ATP6V0E2: variants seen among roughly 807,000 people sequenced by gnomAD.
ATP6V0E2 encodes ATPase H+ transporting V0 subunit e2, also known as V-type proton ATPase subunit e 2.
In ATP6V0E2, 4 loss-of-function variants were observed where a neutral mutation model predicts 11.5. The observed-to-expected ratio is 0.35, with a 90% CI of 0.17 to 0.80. The LOEUF (loss-of-function observed/expected upper bound fraction) is 0.80, where lower values mean the gene tolerates loss of function less well. ATP6V0E2 is among the 30% of genes least tolerant of loss of function. ATP6V0E2 has a pLI of 0.53. For missense variants in ATP6V0E2, 93 were observed against 113.5 expected (o/e 0.82, Z 0.82); for synonymous variants, 52 against 51.0 (o/e 1.02, Z -0.09).
intron 1 of ATP6V0E2, among the ~76,000 whole-genome samples, 169 bp from the exon 2 acceptor site, chr7:149,875,429 C>G (rs912939456): frequency 1.3e-5 from 2 of 152,180 alleles, no homozygotes; most frequent in Non-Finnish European, 2.9e-5. Flanking sequence ...TTTTTATTTT[C>G]TGCCTTGCTA....
chr7:149,879,709 C>A lies in ATP6V0E2; in HGVS notation c.*394C>A. 1 of 1,360,272 alleles carries A rather than the reference C, an allele frequency of 7.4e-7. No individual in the cohort carries two copies. The highest frequency in any genetic ancestry group is 9.5e-7 in the Non-Finnish European group (1 of 1,048,222). The allele number at this position is 1,360,272 out of a possible 1,614,324, so 84.3% of individuals were successfully genotyped here. ...CACGTGTCCTCATGGAGAGGGTGCT[C>A]CGGCCCAGGCGGGGGAGTCAGTGCC... On this transcript the variant is annotated 3_prime_UTR_variant, in exon 4 of 4. Coordinates refer to ENST00000425642, the MANE Select transcript of ATP6V0E2 (RefSeq NM_145230.4).
Position 149,873,976 on chromosome 7 carries a change from A to G in ATP6V0E2, c.-90A>G. On this transcript the variant is annotated 5_prime_UTR_variant, in exon 1 of 4. An upstream start codon of the reference 5' UTR is lost. Transcript: ENST00000425642. ...TTCGGGTGCTCGACTCCTGTTGCGC[A>G]TGCTCAGCGCGCTGCCCGGCTGGGG... is the stretch of plus-strand genomic sequence containing the variant. 6.5e-7 allele frequency: 1 copy of G among 1,545,362 alleles called. No homozygotes were observed. The highest frequency in any genetic ancestry group is 1.2e-5 in the South Asian group (1 of 83,942).
chr7:149,876,097 G>T (rs1432989871), intron 2 of ATP6V0E2: 1 of 457,696 alleles, frequency 2.2e-6, no homozygotes, highest in Non-Finnish European at 4.4e-6. Context: ...TAGGTGAGAG[G>T]CCAGACGTGG....
chr7:149,873,938 C>T (rs2128946997), upstream of ATP6V0E2: 5 of 1,537,162 alleles, frequency 3.3e-6, no homozygotes, highest in Non-Finnish European at 4.4e-6. Context: ...CGCGGCCCGG[C>T]CCGGCTGATC....
chr7:149,879,591 TC>T lies in ATP6V0E2; in HGVS notation c.*279del. ...GCACTGCTCTGGAGTTTGCCCTCTT[TC>T]CCAAGGAGATGCTGCTGGGGAGCTG... On this transcript the variant is annotated 3_prime_UTR_variant, in exon 4 of 4. Coordinates refer to ENST00000425642, the MANE Select transcript of ATP6V0E2 (RefSeq NM_145230.4). The T allele has an allele frequency of 6.8e-7, 1 of 1,481,452 alleles. No homozygotes were observed. The highest frequency in any genetic ancestry group is 9.0e-7 in the Non-Finnish European group (1 of 1,113,186). 91.8% of individuals were successfully genotyped at this position (1,481,452 alleles called of 1,614,324 possible). A position where few individuals can be genotyped will look rare whatever the true frequency, so the allele number is the denominator to read the frequency against.
chr7:149,877,909 C>T (rs1803238908), intron 2 of ATP6V0E2, among the ~76,000 whole-genome samples: 1 of 152,220 alleles, frequency 6.6e-6, no homozygotes, highest in African/African-American at 2.4e-5. Context: ...AAGGAGGTAA[C>T]AATTTCTGAT....
rs758090367 is a variant in ATP6V0E2 at position 149,878,661 on chromosome 7, T to TGG, written c.153-17_153-16insGG. ...CCCTCCTGTGCCAGGCTCACCATGC[T>TGG]TTGCTGTCCCTGGCAGCTGGCTCAT... On this transcript the variant is annotated splice_polypyrimidine_tract_variant and intron_variant, in intron 2 of 3. Coordinates refer to ENST00000425642, the MANE Select transcript of ATP6V0E2 (RefSeq NM_145230.4). 1.9e-6 allele frequency: 3 copies of TGG among 1,607,290 alleles called. No individual in the cohort carries two copies. The highest frequency in any genetic ancestry group is 1.7e-6 in the Non-Finnish European group (2 of 1,178,244).
rs1374610501 is a variant in ATP6V0E2 at position 149,879,733 on chromosome 7, C to A, written c.*418C>A. Reference sequence around the variant, plus strand: ...TCCGGCCCAGGCGGGGGAGTCAGTGCCCAGTCAGCAGCTCTGCCACCATCC... The same window carrying A: ...TCCGGCCCAGGCGGGGGAGTCAGTGACCAGTCAGCAGCTCTGCCACCATCC... On this transcript the variant is annotated 3_prime_UTR_variant, in exon 4 of 4. Coordinates refer to ENST00000425642, the MANE Select transcript of ATP6V0E2 (RefSeq NM_145230.4). 1 of 1,251,950 alleles carries A rather than the reference C, an allele frequency of 8.0e-7. No individual in the cohort carries two copies. 77.6% of individuals were successfully genotyped at this position (1,251,950 alleles called of 1,614,324 possible).
intron 2 of ATP6V0E2, among the ~76,000 whole-genome samples, chr7:149,878,315 C>T (rs539011204): frequency 2.0e-5 from 3 of 152,206 alleles, no homozygotes; most frequent in South Asian, 2.1e-4. Context: ...CTGCCCTGTT[C>T]GCTCCCTGGT....
Position 149,879,471 on chromosome 7 carries a change from G to A in ATP6V0E2, c.*156G>A, listed in dbSNP as rs1262535951. 1 of 1,594,544 alleles carries A rather than the reference G, an allele frequency of 6.3e-7. No individual in the cohort carries two copies. Among genetic ancestry groups the A allele is most frequent in the African/African-American group, 1.3e-5 (1 of 74,220 alleles). On this transcript the variant is annotated 3_prime_UTR_variant, in exon 4 of 4. Coordinates refer to ENST00000425642, the MANE Select transcript of ATP6V0E2 (RefSeq NM_145230.4). ...AGACCCGGACCCGCAGGGCCTGCCT[G>A]GTTCCTGGAAGTCTTCCCAGTCTTC...
chr7:149,879,801 C>T lies in ATP6V0E2; in HGVS notation c.*486C>T, dbSNP rs965878587. On this transcript the variant is annotated 3_prime_UTR_variant, in exon 4 of 4. Transcript: ENST00000425642. Reference sequence around the variant, plus strand: ...GCCTCTATTGGGTTATAGGCAAGGCCTTTTCTCTGGCATGGAATTGTTAAT... The same window carrying T: ...GCCTCTATTGGGTTATAGGCAAGGCTTTTTCTCTGGCATGGAATTGTTAAT... The T allele has an allele frequency of 8.1e-6, 5 of 617,886 alleles. No homozygotes were observed. The highest frequency in any genetic ancestry group is 1.2e-5 in the Non-Finnish European group (5 of 416,190). The allele number at this position is 617,886 out of a possible 1,614,324, so 38.3% of individuals were successfully genotyped here.
chr7:149,877,188 G>C (rs928277504), intron 2 of ATP6V0E2, among the ~76,000 whole-genome samples: 12 of 152,004 alleles, frequency 7.9e-5, no homozygotes, highest in South Asian at 2.1e-4. Flanking sequence ...ATTGCACCCG[G>C]CTGTTAACTA....
At position 149,879,459 on chromosome 7, in the gene ATP6V0E2, CAG is replaced by C; in HGVS notation, c.*145_*146del. 1 of 1,595,352 alleles carries C rather than the reference CAG, an allele frequency of 6.3e-7. No homozygotes were observed. The highest frequency in any genetic ancestry group is 8.5e-7 in the Non-Finnish European group (1 of 1,171,644). On this transcript the variant is annotated 3_prime_UTR_variant, in exon 4 of 4. Transcript: ENST00000425642. Reference sequence around the variant, plus strand: ...GCTGGCACCCAGAGACCCGGACCCGCAGGGCCTGCCTGGTTCCTGGAAGTCTT... The same window carrying C: ...GCTGGCACCCAGAGACCCGGACCCGCGGCCTGCCTGGTTCCTGGAAGTCTT...
intron 2 of ATP6V0E2, among the ~76,000 whole-genome samples, chr7:149,876,687 T>C (rs2128948427): frequency 6.6e-6 from 1 of 152,324 alleles, no homozygotes; most frequent in East Asian, 1.9e-4. Flanking sequence ...AAGTTCTAGT[T>C]TGTTGGGAGG....
At chr7:149,877,465 C>T (rs1039331962) in intron 2 of ATP6V0E2, among the ~76,000 whole-genome samples, 11 of 152,258 alleles carry the variant, frequency 7.2e-5, no homozygotes, top group East Asian at 3.9e-4. Flanking sequence ...TACAGGTACA[C>T]GCCACTGCAC....
At position 149,878,806 on chromosome 7, in the gene ATP6V0E2, G is replaced by A. The variant is rs759464614; in HGVS notation, c.*19+16G>A. 1.2e-6 allele frequency: 2 copies of A among 1,609,432 alleles called. No individual in the cohort carries two copies. The highest frequency in any genetic ancestry group is 1.7e-6 in the Non-Finnish European group (2 of 1,178,354). On this transcript the variant is annotated intron_variant, in intron 3 of 3. Transcript: ENST00000425642. ...CCCGACCCAGGTACTGTGTGGGCGAGGGGTGTGGGTGGGGAAGAGGGGAAA... is the reference window on the plus strand; with the variant it reads ...CCCGACCCAGGTACTGTGTGGGCGAAGGGTGTGGGTGGGGAAGAGGGGAAA...
chr7:149,875,980 G>T (rs770184956), intron 2 of ATP6V0E2: 2 of 549,234 alleles, frequency 3.6e-6, no homozygotes, highest in Middle Eastern at 2.7e-4. Context: ...CAGTTTTCAG[G>T]CTGCACCCTA....
rs1271679961 is a variant in ATP6V0E2, at chr7:149,878,671, C to T, written c.153-7C>T. ...CCAGGCTCACCATGCTTTGCTGTCC[C>T]TGGCAGCTGGCTCATCGCCATCCTG... On this transcript the variant is annotated splice_region_variant and splice_polypyrimidine_tract_variant and intron_variant, in intron 2 of 3. Coordinates refer to ENST00000425642, the MANE Select transcript of ATP6V0E2 (RefSeq NM_145230.4). 4 of 1,609,884 alleles carry T rather than the reference C, an allele frequency of 2.5e-6. No homozygotes were observed. Among genetic ancestry groups the T allele is most frequent in the Non-Finnish European group, 3.4e-6 (4 of 1,179,484 alleles).
upstream of ATP6V0E2, chr7:149,873,800 ACCGGGCGGCCG>A (rs2128946896): frequency 2.2e-6 from 3 of 1,386,976 alleles, no homozygotes; most frequent in South Asian, 4.6e-5. Context: ...CATCGCCGAA[ACCGGGCGGCCG>A]CGCCCCTATT....
Sources: gnomAD v4.1 joint callset for allele counts (sites outside exome capture counted in the v4.1 genomes callset) on GRCh38, gnomAD v4.1.1 for gene constraint, MANE v1.5 for transcripts, NCBI Gene and HGNC (gene_info 2026-07-23, HGNC 2026-07-21) for gene names.